RFX7: variants seen among roughly 807,000 people sequenced by gnomAD.
RFX7 encodes DNA-binding protein RFX7.
A neutral mutation model predicts 111.8 loss-of-function variants in RFX7; 26 were observed. The ratio of observed to expected loss-of-function variants is 0.23; its 90% CI spans 0.17 to 0.32. The LOEUF is 0.32. Ranked by LOEUF, RFX7 falls within the 10% of genes least tolerant of loss-of-function variation. The pLI is 1.00. For missense variants in RFX7, 1,573 were observed against 1,772.9 expected, an observed-to-expected ratio of 0.89 and a Z score of 2.02; for synonymous variants, 624 against 624.4, an observed-to-expected ratio of 1.00 and a Z score of 0.01.
intron 5 of RFX7, among the ~76,000 whole-genome samples, chr15:56,112,108 T>C (rs1348402389): frequency 6.7e-6 from 1 of 149,130 alleles, no homozygotes; most frequent in Non-Finnish European, 1.5e-5. Context: ...GAGGGACACT[T>C]TGCCCCAGAA....
chr15:56,150,751 G>C (rs138553007), intron 3 of RFX7, among the ~76,000 whole-genome samples: 1 of 152,044 alleles, frequency 6.6e-6, no homozygotes, highest in Non-Finnish European at 1.5e-5. Context: ...TCAGAAGGTG[G>C]GTAATAACGA....
chr15:56,200,076 C>G (rs2043179036), intron 2 of RFX7, among the ~76,000 whole-genome samples: 1 of 152,132 alleles, frequency 6.6e-6, no homozygotes, highest in African/African-American at 2.4e-5. Flanking sequence ...TTTGGAACTT[C>G]CTCTGTCATA....
chr15:56,139,890 G>T (rs2042363435), intron 5 of RFX7, among the ~76,000 whole-genome samples: 1 of 152,202 alleles, frequency 6.6e-6, no homozygotes, highest in Admixed American at 6.5e-5. Flanking sequence ...AGGTGTCAGT[G>T]TGCCCCTGCT....
At chr15:56,154,805 T>A (rs990980255) in intron 3 of RFX7, among the ~76,000 whole-genome samples, 1 of 152,064 alleles carries the variant, frequency 6.6e-6, no homozygotes. Flanking sequence ...ACTAAAGAGC[T>A]TCTGCACAGC....
intron 5 of RFX7, among the ~76,000 whole-genome samples, chr15:56,138,057 G>T (rs1263399102): frequency 6.9e-6 from 1 of 145,984 alleles, no homozygotes; most frequent in African/African-American, 2.5e-5. Flanking sequence ...TTTTGGAATA[G>T]GTGTGGTGTG....
At chr15:56,178,166 TACACACAC>T (rs140828561) in intron 3 of RFX7, among the ~76,000 whole-genome samples, 12,890 of 119,436 alleles carry the variant, frequency 0.11, 938 homozygotes, top group East Asian at 0.34. Context: ...ACCAAAAAAC[TACACACAC>T]ACACACACAC....
At chr15:56,191,901 A>G (rs1417874119) in intron 2 of RFX7, among the ~76,000 whole-genome samples, 7 of 152,140 alleles carry the variant, frequency 4.6e-5, no homozygotes, top group African/African-American at 9.7e-5. Flanking sequence ...GTTCTCATAA[A>G]GGCAAGATTC....
intron 2 of RFX7, among the ~76,000 whole-genome samples, chr15:56,215,699 A>G (rs12438380): frequency 0.014 from 2,077 of 152,352 alleles, 55 homozygotes; most frequent in Admixed American, 0.065. Flanking sequence ...CAGCCTCACA[A>G]AATGAGTAGG....
intron 5 of RFX7, among the ~76,000 whole-genome samples, chr15:56,135,732 G>A (rs1313513024): frequency 6.6e-6 from 1 of 151,906 alleles, no homozygotes; most frequent in Admixed American, 6.6e-5. Context: ...TTTCTTCTAG[G>A]GTTTTTATGG....
At chr15:56,107,750 AGCATACT>A (rs1186502165) in intron 5 of RFX7, among the ~76,000 whole-genome samples, 1 of 152,212 alleles carries the variant, frequency 6.6e-6, no homozygotes, top group Non-Finnish European at 1.5e-5. Context: ...GATAACTATA[AGCATACT>A]GAATGAATAA....
chr15:56,241,753 A>G (rs1313109971), intron 2 of RFX7, among the ~76,000 whole-genome samples: 1 of 152,096 alleles, frequency 6.6e-6, no homozygotes, highest in Non-Finnish European at 1.5e-5. Context: ...AATCATATCT[A>G]TCAGACCTAT....
chr15:56,109,290 C>T (rs1473357399), intron 5 of RFX7, among the ~76,000 whole-genome samples: 1 of 152,258 alleles, frequency 6.6e-6, no homozygotes, highest in East Asian at 1.9e-4. Flanking sequence ...GCGAGTGATC[C>T]GCCAGCCTCG....
chr15:56,114,170 C>T (rs566668336), intron 5 of RFX7, among the ~76,000 whole-genome samples: 1 of 151,928 alleles, frequency 6.6e-6, no homozygotes, highest in African/African-American at 2.4e-5. Context: ...TCTGGGAGGC[C>T]GAGGTGGGCG....
At chr15:56,115,315 T>TGAGC (rs1412489308) in intron 5 of RFX7, among the ~76,000 whole-genome samples, 2 of 152,102 alleles carry the variant, frequency 1.3e-5, no homozygotes, top group Non-Finnish European at 2.9e-5. Context: ...ATTACAGGGG[T>TGAGC]GAGCCTCTGT....
intron 2 of RFX7, among the ~76,000 whole-genome samples, chr15:56,202,017 C>T (rs551650630): frequency 2.0e-5 from 3 of 152,064 alleles, no homozygotes; most frequent in East Asian, 3.9e-4. Flanking sequence ...GGCGACAGAG[C>T]GAGACTCTGT....
intron 2 of RFX7, among the ~76,000 whole-genome samples, chr15:56,187,680 T>C (rs1272422641): frequency 6.6e-6 from 1 of 152,180 alleles, no homozygotes; most frequent in Non-Finnish European, 1.5e-5. Context: ...CGCCCAGTAT[T>C]TGAATGACCC....
rs553167152 is a variant in RFX7, at chr15:56,113,333, G to A, written c.402-9663C>T. 9.8e-5 allele frequency among the ~76,000 whole-genome samples: 15 copies of A among 152,302 alleles called. No individual in the cohort carries two copies. The South Asian group carries it at 3.1e-3, about 32-fold the overall frequency. The stretch of plus-strand genomic sequence containing the variant: ...ACTATGCAGCCATTAAAAGGAATGA[G>A]ATCATGTCCTTTGCAGGGACATGGA... On this transcript the variant is annotated intron_variant, in intron 5 of 9. Coordinates refer to ENST00000559447, the MANE Select transcript of RFX7 (RefSeq NM_022841.7).
intron 2 of RFX7, among the ~76,000 whole-genome samples, chr15:56,230,900 C>G (rs1596025535): frequency 6.6e-6 from 1 of 152,316 alleles, no homozygotes; most frequent in South Asian, 2.1e-4. Flanking sequence ...CAAGACCATC[C>G]TGGCTAACAC....
intron 2 of RFX7, among the ~76,000 whole-genome samples, chr15:56,239,890 G>A (rs112738712): frequency 6.6e-6 from 1 of 151,190 alleles, no homozygotes; most frequent in Non-Finnish European, 1.5e-5. Flanking sequence ...AAAGGACTTA[G>A]TAAATGTGTT....
Sources: gnomAD v4.1 joint callset for allele counts (sites outside exome capture counted in the v4.1 genomes callset) on GRCh38, gnomAD v4.1.1 for gene constraint, MANE v1.5 for transcripts, NCBI Gene and HGNC (gene_info 2026-07-23, HGNC 2026-07-21) for gene names.